Variants in COMMD10 observed in about 807,000 individuals in gnomAD.
The protein encoded by COMMD10 is COMM domain containing 10, also known as COMM domain-containing protein 10.
A neutral mutation model predicts 28.9 loss-of-function variants in COMMD10; 33 were observed. The ratio of observed to expected loss-of-function variants is 1.14; its 90% CI spans 0.87 to 1.53. The LOEUF is 1.53. COMMD10 is among the 40% of genes most tolerant of loss of function. The probability of loss-of-function intolerance (pLI) is 0.00; values close to 1 mark genes in which losing one functional copy is unlikely to be tolerated. For missense variants in COMMD10, 310 were observed against 233.4 expected (o/e 1.33, Z -2.14); for synonymous variants, 110 against 81.7 (o/e 1.35, Z -1.87).
chr5:116,130,441 C>G (rs1033426106), intron 4 of COMMD10, among the ~76,000 whole-genome samples: 3 of 151,714 alleles, frequency 2.0e-5, no homozygotes, highest in Admixed American at 6.6e-5. Flanking sequence ...ATTTATTGAC[C>G]CTGCTTCTCC....
Position 116,254,605 on chromosome 5 carries a change from G to A in COMMD10, c.511-36912G>A, listed in dbSNP as rs529431925. Among the ~76,000 whole-genome samples, 10 of 151,750 alleles carry A rather than the reference G, an allele frequency of 6.6e-5. No individual in the cohort carries two copies. The East Asian group carries it at 1.2e-3, about 18-fold the overall frequency. ...GGTTCAGTTTCCATGTAGTTGAGTG[G>A]TTTTGAGTGAGATTCTTAATCCTGA... On this transcript the variant is annotated intron_variant, in intron 5 of 6. Coordinates refer to ENST00000274458, the MANE Select transcript of COMMD10 (RefSeq NM_016144.4).
intron 5 of COMMD10, among the ~76,000 whole-genome samples, chr5:116,175,893 GT>G (rs572626621): frequency 3.3e-5 from 5 of 152,106 alleles, no homozygotes; most frequent in Non-Finnish European, 7.4e-5. Context: ...GGGAGTTATT[GT>G]TTAATGGGTA....
At chr5:116,126,036 C>G (rs1431223580) in intron 4 of COMMD10, among the ~76,000 whole-genome samples, 2 of 152,196 alleles carry the variant, frequency 1.3e-5, no homozygotes, top group Non-Finnish European at 2.9e-5. Context: ...ACCCCATTGT[C>G]TCAGCCCAAA....
intron 5 of COMMD10, among the ~76,000 whole-genome samples, chr5:116,170,466 A>G (rs950733835): frequency 1.1e-4 from 16 of 152,200 alleles, no homozygotes; most frequent in African/African-American, 3.6e-4. Context: ...GAACTTCTTC[A>G]CAGAATTAGA....
At chr5:116,265,013 G>A (rs747349351) in intron 5 of COMMD10, among the ~76,000 whole-genome samples, 1 of 151,568 alleles carries the variant, frequency 6.6e-6, no homozygotes, top group Non-Finnish European at 1.5e-5. Context: ...TATTATTATG[G>A]CTTAATCTCT....
chr5:116,111,519 T>C (rs1751045706), intron 4 of COMMD10, among the ~76,000 whole-genome samples: 1 of 152,182 alleles, frequency 6.6e-6, no homozygotes, highest in African/African-American at 2.4e-5. Flanking sequence ...AATTTTTTCA[T>C]TGATCCAAAG....
At chr5:116,225,779 A>T (rs1407985367) in intron 5 of COMMD10, among the ~76,000 whole-genome samples, 6 of 151,964 alleles carry the variant, frequency 3.9e-5, no homozygotes, top group African/African-American at 1.5e-4. Flanking sequence ...GTTCTCAGTT[A>T]ATAAAAGAAT....
At chr5:116,109,115 G>A (rs1750953016) in intron 4 of COMMD10, among the ~76,000 whole-genome samples, 1 of 152,210 alleles carries the variant, frequency 6.6e-6, no homozygotes, top group Non-Finnish European at 1.5e-5. Context: ...TTTGCTGGGA[G>A]CTACAGACCG....
At chr5:116,267,493 G>C (rs1036273702) in intron 5 of COMMD10, among the ~76,000 whole-genome samples, 1 of 151,822 alleles carries the variant, frequency 6.6e-6, no homozygotes, top group Non-Finnish European at 1.5e-5. Flanking sequence ...TGGATAGGAA[G>C]AATCAATATC....
chr5:116,175,501 C>T (rs1207483887), intron 5 of COMMD10, among the ~76,000 whole-genome samples: 1 of 152,044 alleles, frequency 6.6e-6, no homozygotes, highest in African/African-American at 2.4e-5. Context: ...ATAGAATTAC[C>T]ATATGACCTA....
At position 116,138,801 on chromosome 5, in the gene COMMD10, T is replaced by C. The variant is rs146872521; in HGVS notation, c.510+4623T>C. ...TTTTCTGACTTAGAGCTCTTCATTC[T>C]TATTTCCAAAATATATGACAAATTC... On this transcript the variant is annotated intron_variant, in intron 5 of 6. Transcript: ENST00000274458. Among the ~76,000 whole-genome samples, 1,109 of 151,912 alleles carry C rather than the reference T, an allele frequency of 7.3e-3. 16 individuals are homozygous for C. Among genetic ancestry groups the C allele is most frequent in the African/African-American group, 0.026 (1,080 of 41,536 alleles).
chr5:116,162,070 C>T (rs146105662), intron 5 of COMMD10, among the ~76,000 whole-genome samples: 1 of 152,148 alleles, frequency 6.6e-6, no homozygotes, highest in African/African-American at 2.4e-5. Flanking sequence ...ATGTTGACCT[C>T]ATTTGATTTT....
chr5:116,279,309 G>T (rs779459661), intron 5 of COMMD10, among the ~76,000 whole-genome samples: 8 of 151,820 alleles, frequency 5.3e-5, no homozygotes, highest in African/African-American at 9.7e-5. Flanking sequence ...TTCTTAAATA[G>T]GTAATCATTT....
intron 5 of COMMD10, among the ~76,000 whole-genome samples, chr5:116,153,133 A>T (rs575151051): frequency 2.6e-5 from 4 of 152,136 alleles, no homozygotes; most frequent in Non-Finnish European, 4.4e-5. Context: ...TATTTTGGCT[A>T]TATGTTTCCT....
intron 5 of COMMD10, among the ~76,000 whole-genome samples, chr5:116,235,967 G>A (rs550153200): frequency 2.6e-5 from 4 of 152,042 alleles, no homozygotes; most frequent in African/African-American, 7.2e-5. Context: ...TACATTATTT[G>A]TGCCCACCTG....
At chr5:116,159,148 T>C (rs1253552329) in intron 5 of COMMD10, among the ~76,000 whole-genome samples, 4 of 152,194 alleles carry the variant, frequency 2.6e-5, no homozygotes, top group Non-Finnish European at 5.9e-5. Flanking sequence ...CTTTGCTCTG[T>C]ATATTTTACA....
At chr5:116,206,755 A>C (rs1748823981) in intron 5 of COMMD10, among the ~76,000 whole-genome samples, 1 of 152,212 alleles carries the variant, frequency 6.6e-6, no homozygotes, top group South Asian at 2.1e-4. Context: ...TAAAAATACA[A>C]TTCATATGTA....
chr5:116,105,301 A>AT (rs1750801451), intron 4 of COMMD10, among the ~76,000 whole-genome samples: 1 of 152,182 alleles, frequency 6.6e-6, no homozygotes, highest in African/African-American at 2.4e-5. Flanking sequence ...CATCCCAGGG[A>AT]TGAAGCCGAC....
At chr5:116,246,020 A>G (rs930951134) in intron 5 of COMMD10, among the ~76,000 whole-genome samples, 8 of 152,148 alleles carry the variant, frequency 5.3e-5, no homozygotes, top group Admixed American at 2.0e-4. Flanking sequence ...AAGGGCATCC[A>G]AATAGGAAGA....
Sources: gnomAD v4.1 joint callset for allele counts (sites outside exome capture counted in the v4.1 genomes callset) on GRCh38, gnomAD v4.1.1 for gene constraint, MANE v1.5 for transcripts, NCBI Gene and HGNC (gene_info 2026-07-23, HGNC 2026-07-21) for gene names.